The following TLK1 variants were observed in gnomAD, a reference collection of about 807,000 sequenced individuals.
TLK1 encodes tousled like kinase 1.
TLK1 carries 24 observed loss-of-function variants against 105.3 expected under a neutral mutation model. The observed-to-expected ratio is 0.23, with a 90% confidence interval of 0.17 to 0.32. TLK1 has a LOEUF of 0.32. Among genes scored for constraint, TLK1 ranks in the 10% least tolerant of loss-of-function variants. TLK1 has a pLI of 1.00. For synonymous variants in TLK1, 321 were observed against 310.4 expected (o/e 1.03, Z -0.36); for missense variants, 558 against 910.5 (o/e 0.61, Z 4.98).
intron 3 of TLK1, among the ~76,000 whole-genome samples, chr2:171,063,132 G>T (rs769394425): frequency 5.9e-5 from 9 of 152,066 alleles, no homozygotes; most frequent in Non-Finnish European, 1.2e-4. Context: ...GATCATATGA[G>T]GTCAGGAGTT....
At chr2:171,033,796 A>C (rs12618898) in intron 11 of TLK1, among the ~76,000 whole-genome samples, 80,190 of 149,430 alleles carry the variant, frequency 0.54, 24,619 homozygotes, top group South Asian at 0.7. Flanking sequence ...ACTTCTGTAC[A>C]TCAAAGGATA....
chr2:171,230,614 T>A (rs183952782), intron 1 of TLK1, among the ~76,000 whole-genome samples: 54 of 152,288 alleles, frequency 3.5e-4, no homozygotes, highest in African/African-American at 1.3e-3. Flanking sequence ...GGGAGATAGA[T>A]TTGAGATTTC....
Position 170,992,815 on chromosome 2 carries a change from T to C in TLK1, c.*965A>G, listed in dbSNP as rs1171595273. On this transcript the variant is annotated 3_prime_UTR_variant, in exon 21 of 21. Transcript: ENST00000431350. ...ACTTAAAAAAAATACAATATCCAAT[T>C]AGAAAAGCCATATTTTAAACATTTG... is the stretch of plus-strand genomic sequence containing the variant. 1 of 152,546 alleles carries C rather than the reference T, an allele frequency of 6.6e-6. No homozygotes were observed. The highest frequency in any genetic ancestry group is 2.4e-5 in the African/African-American group (1 of 41,440). 9.4% of individuals were successfully genotyped at this position (152,546 alleles called of 1,614,324 possible).
At chr2:171,010,176 A>G (rs974094032) in intron 14 of TLK1, among the ~76,000 whole-genome samples, 11 of 152,192 alleles carry the variant, frequency 7.2e-5, no homozygotes, top group African/African-American at 2.7e-4. Flanking sequence ...AATTTAGGAG[A>G]ACTTAATGAC....
chr2:171,170,950 G>T (rs1330764164), intron 1 of TLK1, among the ~76,000 whole-genome samples: 1 of 152,106 alleles, frequency 6.6e-6, no homozygotes, highest in Admixed American at 6.5e-5. Context: ...GGGTCAAATG[G>T]ATATCCAGAG....
intron 2 of TLK1, among the ~76,000 whole-genome samples, chr2:171,101,473 T>C (rs1202389850): frequency 6.6e-6 from 1 of 151,716 alleles, no homozygotes; most frequent in African/African-American, 2.4e-5. Context: ...GGCAATGCAG[T>C]GTAGGCTAGG....
chr2:171,162,859 C>A (rs919196637), upstream of TLK1, among the ~76,000 whole-genome samples: 27 of 152,184 alleles, frequency 1.8e-4, no homozygotes, highest in Admixed American at 1.2e-3. Context: ...GGAGTGCCAT[C>A]TCGGCTCACT....
intron 20 of TLK1, among the ~76,000 whole-genome samples, chr2:170,995,132 A>C (rs1178639677): frequency 6.6e-6 from 1 of 152,132 alleles, no homozygotes; most frequent in Non-Finnish European, 1.5e-5. Context: ...AAAGTTTCAG[A>C]GATCACTTTG....
chr2:171,051,415 A>C (rs955714470), intron 8 of TLK1, among the ~76,000 whole-genome samples: 2 of 152,032 alleles, frequency 1.3e-5, no homozygotes, highest in African/African-American at 4.8e-5. Context: ...GAAGTTGTTC[A>C]ATGAGATATC....
intron 2 of TLK1, among the ~76,000 whole-genome samples, chr2:171,116,438 C>T (rs1357969770): frequency 1.3e-5 from 2 of 152,172 alleles, no homozygotes; most frequent in African/African-American, 2.4e-5. Context: ...TGGTGGCTCA[C>T]GCCTGTAATC....
At chr2:171,162,071 T>G (rs1025827519), upstream of TLK1, among the ~76,000 whole-genome samples, 5 of 152,244 alleles carry the variant, frequency 3.3e-5, no homozygotes, top group African/African-American at 1.2e-4. Flanking sequence ...AGATAAACTA[T>G]CATACTAGAA....
chr2:171,008,522 T>C (rs1684750542), intron 14 of TLK1, among the ~76,000 whole-genome samples: 1 of 152,210 alleles, frequency 6.6e-6, no homozygotes, highest in Admixed American at 6.5e-5. Context: ...ATACTGATTA[T>C]AATAAATTAT....
intron 1 of TLK1, among the ~76,000 whole-genome samples, chr2:171,140,823 A>G (rs1254572237): frequency 1.3e-5 from 2 of 152,254 alleles, no homozygotes; most frequent in East Asian, 1.9e-4. Context: ...ACAAGACCCA[A>G]AGGTATCTAG....
intron 14 of TLK1, among the ~76,000 whole-genome samples, chr2:171,007,400 CAG>C (rs1351958267): frequency 1.3e-5 from 2 of 151,964 alleles, no homozygotes; most frequent in Non-Finnish European, 2.9e-5. Flanking sequence ...GCCAGGAAAA[CAG>C]ATGACTGTAC....
chr2:171,119,201 G>A (rs1690552518), intron 1 of TLK1, among the ~76,000 whole-genome samples: 1 of 151,990 alleles, frequency 6.6e-6, no homozygotes, highest in South Asian at 2.1e-4. Context: ...CCTTAAACTG[G>A]TTTATAACCA....
intron 1 of TLK1, among the ~76,000 whole-genome samples, chr2:171,185,920 T>C (rs1427133108): frequency 1.3e-5 from 2 of 152,236 alleles, no homozygotes; most frequent in African/African-American, 4.8e-5. Flanking sequence ...GTATATCTTA[T>C]TAAAACCTGA....
intron 12 of TLK1, among the ~76,000 whole-genome samples, chr2:171,020,109 A>G (rs1685421245): frequency 6.6e-6 from 1 of 152,090 alleles, no homozygotes; most frequent in Non-Finnish European, 1.5e-5. Context: ...TAGTAATGTG[A>G]ATAATATCAA....
chr2:171,021,640 A>G (rs1450116168), intron 12 of TLK1, among the ~76,000 whole-genome samples: 2 of 152,082 alleles, frequency 1.3e-5, no homozygotes, highest in Non-Finnish European at 2.9e-5. Flanking sequence ...TATGATTGGG[A>G]AGGGCTGGTA....
At chr2:170,997,872 C>A in intron 18 of TLK1, 49 bp from the exon 19 acceptor site, 1 of 1,138,658 alleles carries the variant, frequency 8.8e-7, no homozygotes, top group East Asian at 2.4e-5. Context: ...CAATCTGTAA[C>A]TTAAAATCTT....
Sources: gnomAD v4.1 joint callset for allele counts (sites outside exome capture counted in the v4.1 genomes callset) on GRCh38, gnomAD v4.1.1 for gene constraint, MANE v1.5 for transcripts, NCBI Gene and HGNC (gene_info 2026-07-23, HGNC 2026-07-21) for gene names.